COL21A1: variants seen among roughly 807,000 people sequenced by gnomAD.
The protein encoded by COL21A1 is collagen type XXI alpha 1 chain.
Under a neutral mutation model 137.9 loss-of-function variants are expected in COL21A1, and 149 were observed. The observed-to-expected ratio is 1.08, with a 90% confidence interval of 0.95 to 1.24. The LOEUF is 1.24. COL21A1 is among the 50% of genes most tolerant of loss of function. The pLI is 0.00. For missense variants in COL21A1, 1,167 were observed against 1,158.4 expected (o/e 1.01, Z -0.11); for synonymous variants, 456 against 391.5 (o/e 1.16, Z -1.95).
chr6:56,170,925 C>T lies in COL21A1; in HGVS notation c.809+35G>A, dbSNP rs774803590. On this transcript the variant is annotated intron_variant, in intron 4 of 29. Coordinates refer to ENST00000244728, the MANE Select transcript of COL21A1 (RefSeq NM_030820.4). ...TTCTTGACATGTCCACAGACATATC[C>T]CCCCAAAAAAGTTGTGTCAACATAT... 14 of 1,588,912 alleles carry T rather than the reference C, an allele frequency of 8.8e-6. No homozygotes were observed. In the East Asian group the frequency reaches 2.9e-4, roughly 33 times the overall value.
Position 56,168,197 on chromosome 6 carries a change from T to G in COL21A1, c.1127A>C (p.His376Pro). 6.4e-7 allele frequency: 1 copy of G among 1,564,232 alleles called. No homozygotes were observed. Among genetic ancestry groups the G allele is most frequent in the East Asian group, 2.3e-5 (1 of 43,598 alleles). The change falls in exon 6 of 30, where the codon CAT (histidine) becomes CCT (proline). Residue 376 changes from histidine to proline, a missense_variant. Coordinates refer to ENST00000244728, the MANE Select transcript of COL21A1 (RefSeq NM_030820.4). The stretch of plus-strand genomic sequence containing the variant: ...ATTGATCAAGATCCCTAAAACTGGA[T>G]GTAAGGGCTTGTTTTCAATTTGTTG... ...DDQQIENKPL[H>P]PVLGILINGQ...
At chr6:56,164,620 C>T (rs188734285) in intron 8 of COL21A1, 114 bp from the exon 9 acceptor site, 91 of 915,940 alleles carry the variant, frequency 9.9e-5, no homozygotes, top group Admixed American at 9.4e-4. Flanking sequence ...ATCTTACATT[C>T]ACTTTCAAAT....
intron 12 of COL21A1, among the ~76,000 whole-genome samples, chr6:56,130,178 T>TAG (rs1347667174): frequency 2.1e-4 from 5 of 23,906 alleles, no homozygotes; most frequent in African/African-American, 6.7e-4. Flanking sequence ...TATATATATA[T>TAG]ATATATATAT....
At chr6:56,224,566 T>C (rs1300576530) in intron 1 of COL21A1, among the ~76,000 whole-genome samples, 1 of 152,094 alleles carries the variant, frequency 6.6e-6, no homozygotes, top group Non-Finnish European at 1.5e-5. Flanking sequence ...ATTCACAGTC[T>C]TTTTGGAATA....
At chr6:56,309,537 T>C (rs781570530) in intron 1 of COL21A1, among the ~76,000 whole-genome samples, 4 of 152,174 alleles carry the variant, frequency 2.6e-5, no homozygotes, top group Non-Finnish European at 4.4e-5. Flanking sequence ...TATGTTGAGC[T>C]CTAATAGCAG....
At chr6:56,256,864 A>G (rs1782985267) in intron 1 of COL21A1, among the ~76,000 whole-genome samples, 1 of 151,954 alleles carries the variant, frequency 6.6e-6, no homozygotes, top group African/African-American at 2.4e-5. Context: ...TAAAGGAGAA[A>G]TGAGCATGGG....
chr6:56,141,538 A>G (rs565312748), intron 12 of COL21A1, among the ~76,000 whole-genome samples: 17 of 152,200 alleles, frequency 1.1e-4, no homozygotes, highest in Non-Finnish European at 2.1e-4. Context: ...GAGCTTAACC[A>G]CAGGGAGAGA....
intron 3 of COL21A1, among the ~76,000 whole-genome samples, chr6:56,175,945 G>A (rs1237160733): frequency 1.3e-5 from 2 of 152,032 alleles, no homozygotes; most frequent in African/African-American, 2.4e-5. Flanking sequence ...ATAGACAAAT[G>A]GAACAGAATA....
At chr6:56,283,874 A>ACACACACTCT (rs375116485) in intron 1 of COL21A1, among the ~76,000 whole-genome samples, 1 of 146,188 alleles carries the variant, frequency 6.8e-6, no homozygotes, top group Non-Finnish European at 1.5e-5. Context: ...TCACACACAC[A>ACACACACTCT]CTCTCTCTCT....
At chr6:56,084,899 G>A (rs112997852) in intron 17 of COL21A1, among the ~76,000 whole-genome samples, 3 of 152,062 alleles carry the variant, frequency 2.0e-5, no homozygotes, top group African/African-American at 7.2e-5. Context: ...ATCTCCCTGT[G>A]TAACACATTT....
At chr6:56,120,075 G>A (rs1444828199) in intron 16 of COL21A1, among the ~76,000 whole-genome samples, 3 of 152,110 alleles carry the variant, frequency 2.0e-5, no homozygotes, top group African/African-American at 7.2e-5. Context: ...AAAAGCTTCT[G>A]CACAGAAAAG....
intron 16 of COL21A1, among the ~76,000 whole-genome samples, chr6:56,114,251 C>G (rs557826951): frequency 6.6e-6 from 1 of 152,320 alleles, no homozygotes; most frequent in East Asian, 1.9e-4. Context: ...AGAGCAGACA[C>G]TGGGTGAGAC....
intron 1 of COL21A1, among the ~76,000 whole-genome samples, chr6:56,371,362 A>G (rs2093988201): frequency 6.6e-6 from 1 of 152,192 alleles, no homozygotes; most frequent in South Asian, 2.1e-4. Context: ...CATCTAAATG[A>G]CAAGGAATCA....
intron 1 of COL21A1, among the ~76,000 whole-genome samples, chr6:56,299,758 C>CT (rs552356358): frequency 4.4e-4 from 67 of 152,098 alleles, no homozygotes; most frequent in Non-Finnish European, 7.9e-4. Context: ...AGAATATTCC[C>CT]TAATCCCAGA....
intron 1 of COL21A1, among the ~76,000 whole-genome samples, chr6:56,210,825 T>C (rs531597802): frequency 7.7e-4 from 117 of 152,146 alleles, no homozygotes; most frequent in Middle Eastern, 3.4e-3. Context: ...AATTATTCAA[T>C]AAATAAATGG....
intron 1 of COL21A1, among the ~76,000 whole-genome samples, chr6:56,290,208 C>A (rs907871062): frequency 6.6e-6 from 1 of 152,014 alleles, no homozygotes; most frequent in Non-Finnish European, 1.5e-5. Context: ...GCTGGGTTGA[C>A]CTTGCCCTGA....
chr6:56,219,216 C>CAAAAAAAAAAAAAAAAAAAA lies in COL21A1; in HGVS notation c.-39+28151_-39+28170dup, dbSNP rs386407160. ...GCACTTCCCAAAGCCAAACTTGCACCAAAAAAAAAAAAAAAAAAAAAAAGG... is the reference window on the plus strand; with the variant it reads ...GCACTTCCCAAAGCCAAACTTGCACCAAAAAAAAAAAAAAAAAAAAAAAAAAAAAAAAAAAAAAAAAAAGG... On this transcript the variant is annotated intron_variant, in intron 1 of 29. Coordinates refer to ENST00000244728, the MANE Select transcript of COL21A1 (RefSeq NM_030820.4). Among the ~76,000 whole-genome samples, 2 of 76,484 alleles carry CAAAAAAAAAAAAAAAAAAAA rather than the reference C, an allele frequency of 2.6e-5. 1 individual carries two copies. The highest frequency in any genetic ancestry group is 4.6e-5 in the Non-Finnish European group (2 of 43,158). 50.2% of individuals were successfully genotyped at this position (76,484 alleles called of 152,430 possible).
chr6:56,209,354 G>A (rs1452346442), intron 1 of COL21A1, among the ~76,000 whole-genome samples: 1 of 152,082 alleles, frequency 6.6e-6, no homozygotes, highest in African/African-American at 2.4e-5. Context: ...CCTAGAGAAT[G>A]GGAGAAAATT....
chr6:56,362,942 A>G (rs1471635635), intron 1 of COL21A1, among the ~76,000 whole-genome samples: 1 of 152,164 alleles, frequency 6.6e-6, no homozygotes, highest in Non-Finnish European at 1.5e-5. Flanking sequence ...AGGGCTTATC[A>G]CAATGATGCC....
Sources: gnomAD v4.1 joint callset for allele counts (sites outside exome capture counted in the v4.1 genomes callset) on GRCh38, gnomAD v4.1.1 for gene constraint, MANE v1.5 for transcripts, NCBI Gene and HGNC (gene_info 2026-07-23, HGNC 2026-07-21) for gene names.